The following ABCA8 variants were observed in gnomAD, a reference collection of about 807,000 sequenced individuals.
The protein encoded by ABCA8 is ATP binding cassette subfamily A member 8.
A neutral mutation model predicts 192.3 loss-of-function variants in ABCA8; 177 were observed. That is an observed-to-expected ratio of 0.92 (90% CI 0.81 to 1.04). The LOEUF is 1.04. ABCA8 is among the 50% of genes least tolerant of loss of function. ABCA8 has a pLI of 0.00. For synonymous variants in ABCA8, 642 were observed against 690.2 expected (o/e 0.93, Z 1.09); for missense variants, 1,915 against 1,904.8 (o/e 1.01, Z -0.10).
At chr17:68,906,268 A>G in intron 18 of ABCA8, 105 bp from the exon 19 acceptor site, 1 of 806,808 alleles carries the variant, frequency 1.2e-6, no homozygotes, top group Non-Finnish European at 1.8e-6. Context: ...TACTTGTGAT[A>G]TGTCAAAAAC....
At chr17:68,883,948 CTAA>C (rs1234101871) in intron 28 of ABCA8, 66 bp from the exon 29 acceptor site, 5 of 968,438 alleles carry the variant, frequency 5.2e-6, no homozygotes, top group East Asian at 2.7e-5. Flanking sequence ...CAAAGATATA[CTAA>C]TAATAACCGA....
Position 68,904,212 on chromosome 17 carries a change from G to T in ABCA8, c.2399-713C>A, listed in dbSNP as rs183981331. ...CAGGAGAATGGCGTGAACCCGGGAG[G>T]CAGAGCTTGCAGTGAGCCGAGATCG... is the stretch of plus-strand genomic sequence containing the variant. On this transcript the variant is annotated intron_variant, in intron 19 of 39. Transcript: ENST00000586539. Among the ~76,000 whole-genome samples the T allele has an allele frequency of 2.9e-3, 446 of 151,620 alleles. 2 individuals carry two copies. The highest frequency in any genetic ancestry group is 5.4e-3 in the Admixed American group (83 of 15,246).
intron 5 of ABCA8, among the ~76,000 whole-genome samples, chr17:68,936,724 TATAA>T (rs1428159891): frequency 6.6e-6 from 1 of 152,110 alleles, no homozygotes; most frequent in African/African-American, 2.4e-5. Context: ...CATTTACATA[TATAA>T]ATATATATCT....
At chr17:68,901,808 CA>C (rs35596717) in intron 21 of ABCA8, among the ~76,000 whole-genome samples, 48,605 of 104,670 alleles carry the variant, frequency 0.46, 7,852 homozygotes, top group East Asian at 0.57. Flanking sequence ...GATTCCATCT[CA>C]AAAAAAAAAA....
Position 68,907,813 on chromosome 17 carries a change from A to G in ABCA8, c.2205T>C (p.Asp735=). The change falls in exon 18 of 40, where the codon GAT becomes GAC. Residue 735 remains aspartate, a synonymous_variant. Transcript: ENST00000586539. ...ITSLVKQHIP[D]AKLSAKSEGK... ...CTTCGCTTTTGGCTGATAATTTGGC[A>G]TCAGGGATGTGCTGTTTAACAAGTG... The G allele has an allele frequency of 6.2e-7, 1 of 1,610,352 alleles. No individual in the cohort carries two copies. Among genetic ancestry groups the G allele is most frequent in the Non-Finnish European group, 8.5e-7 (1 of 1,178,350 alleles).
chr17:68,877,545 T>C lies in ABCA8; in HGVS notation c.4173A>G (p.Lys1391=), dbSNP rs146030957. The C allele has an allele frequency of 3.2e-5, 51 of 1,613,870 alleles. No individual in the cohort carries two copies. In the African/African-American group the frequency reaches 4.3e-4, roughly 14 times the overall value. The change falls in exon 33 of 40, where the codon AAA becomes AAG. Residue 1391 remains lysine (K), a synonymous_variant. Coordinates refer to ENST00000586539, the MANE Select transcript of ABCA8 (RefSeq NM_001288985.2). ...EVYAAVKGLR[K]GDAEVAITRL... is the part of the protein sequence containing the mutation. ...GTGTGATGGCAACCTCAGCATCCCC[T>C]TTCCTCAGCCCTTTCACGGCGGCGT...
chr17:68,953,482 G>T, intron 1 of ABCA8, among the ~76,000 whole-genome samples: 1 of 152,142 alleles, frequency 6.6e-6, no homozygotes, highest in East Asian at 1.9e-4. Flanking sequence ...GGGGTCAGTT[G>T]CAACAGAAGG....
Position 68,940,955 on chromosome 17 carries a change from A to T in ABCA8, c.104T>A (p.Leu35Gln), listed in dbSNP as rs368657933. 15 of 1,600,408 alleles carry T rather than the reference A, an allele frequency of 9.4e-6. No homozygotes were observed. Among genetic ancestry groups the T allele is most frequent in the Non-Finnish European group, 1.3e-5 (15 of 1,168,144 alleles). The change falls in exon 4 of 40, where the codon CTG becomes CAG. Residue 35 changes from leucine to glutamine, a missense_variant. By Grantham distance (113) the Leu-to-Gln change is moderately radical (BLOSUM62 -2). Coordinates refer to ENST00000586539, the MANE Select transcript of ABCA8 (RefSeq NM_001288985.2). Reference sequence around the variant, plus strand: ...ACAAAGTAGTAGGAGCAATGAATTCAGCCATTCCTATATAATACAGGAAAA... The same window carrying T: ...ACAAAGTAGTAGGAGCAATGAATTCTGCCATTCCTATATAATACAGGAAAA... ...RMKRESLMEW[L>Q]NSLLLLLCLY...
intron 24 of ABCA8, 30 bp from the exon 25 acceptor site, chr17:68,887,536 T>C (rs773762392): frequency 1.3e-6 from 2 of 1,561,346 alleles, no homozygotes; most frequent in Non-Finnish European, 1.7e-6. Context: ...GATACAAAGT[T>C]TGTGGCTTAA....
chr17:68,949,086 G>C (rs953517146), intron 2 of ABCA8, among the ~76,000 whole-genome samples: 1 of 152,106 alleles, frequency 6.6e-6, no homozygotes, highest in Admixed American at 6.5e-5. Context: ...TCTCTGTCCT[G>C]TTTCATTGGT....
chr17:68,880,461 C>A (rs531902082), intron 32 of ABCA8, among the ~76,000 whole-genome samples: 2 of 152,172 alleles, frequency 1.3e-5, no homozygotes, highest in African/African-American at 2.4e-5. Context: ...ACATGCCCCC[C>A]ACTTGCCATG....
At chr17:68,905,748 A>C (rs1489793940) in intron 19 of ABCA8, among the ~76,000 whole-genome samples, 9 of 152,188 alleles carry the variant, frequency 5.9e-5, no homozygotes, top group African/African-American at 1.4e-4. Context: ...TGGGGTTCTT[A>C]AGTGTTTTAG....
chr17:68,880,510 CGGGGATCCCAGACTTA>C (rs2066309929), intron 32 of ABCA8, among the ~76,000 whole-genome samples: 1 of 152,150 alleles, frequency 6.6e-6, no homozygotes, highest in African/African-American at 2.4e-5. Flanking sequence ...TGCAGCCCTT[CGGGGATCCCAGACTTA>C]GGGGATCCCC....
At chr17:68,908,875 T>C (rs902724289) in intron 17 of ABCA8, among the ~76,000 whole-genome samples, 13 of 152,348 alleles carry the variant, frequency 8.5e-5, no homozygotes, top group African/African-American at 3.1e-4. Context: ...CCTCTAGGGT[T>C]ATTCGAACAA....
At chr17:68,949,142 T>C (rs1306752543) in intron 2 of ABCA8, among the ~76,000 whole-genome samples, 170 bp downstream of exon 2, 1 of 152,176 alleles carries the variant, frequency 6.6e-6, no homozygotes, top group Admixed American at 6.5e-5. Flanking sequence ...TTGGTTACTG[T>C]AGCCTCCTAG....
chr17:68,877,465 C>T, intron 33 of ABCA8, 54 bp downstream of exon 33: 4 of 1,500,060 alleles, frequency 2.7e-6, no homozygotes, highest in Non-Finnish European at 3.6e-6. Flanking sequence ...TCATCACTCT[C>T]AACCTCCTCC....
Position 68,929,561 on chromosome 17 carries a change from C to A in ABCA8, c.939G>T (p.Leu313Phe). The change falls in exon 8 of 40, where the codon TTG becomes TTT. Residue 313 changes from leucine to phenylalanine, a missense_variant and splice_region_variant. By Grantham distance (22) the Leu-to-Phe change is conservative. Transcript: ENST00000586539. ...AAAGATATTTAATTCACTAACTCAC[C>A]AAAGATAATCCATACAGGAGAAAGA... The part of the protein sequence containing the change: ...FSLFLLYGLS[L>F]VALAFLMSIL... 1 of 1,609,290 alleles carries A rather than the reference C, an allele frequency of 6.2e-7. No homozygotes were observed. Among genetic ancestry groups the A allele is most frequent in the Non-Finnish European group, 8.5e-7 (1 of 1,178,362 alleles).
Position 68,906,037 on chromosome 17 carries a change from T to G in ABCA8, c.2398+7A>C. 2 of 1,578,616 alleles carry G rather than the reference T, an allele frequency of 1.3e-6. No homozygotes were observed. Among genetic ancestry groups the G allele is most frequent in the Non-Finnish European group, 1.7e-6 (2 of 1,164,030 alleles). On this transcript the variant is annotated splice_region_variant and intron_variant, in intron 19 of 39. Coordinates refer to ENST00000586539, the MANE Select transcript of ABCA8 (RefSeq NM_001288985.2). ...TTTACATAATAATTTTCATGCATTT[T>G]ATTTACCCGATTCATTAATTGTAGA...
At chr17:68,931,278 ACGCAGCCTCAGCCTG>A (rs1366935297) in intron 7 of ABCA8, among the ~76,000 whole-genome samples, 1 of 152,230 alleles carries the variant, frequency 6.6e-6, no homozygotes, top group African/African-American at 2.4e-5. Context: ...GCACAGTAAG[ACGCAGCCTCAGCCTG>A]GCAAACATTA....
Sources: allele counts gnomAD v4.1 joint callset (sites outside exome capture counted in the v4.1 genomes callset), GRCh38; gene constraint gnomAD v4.1.1; transcripts MANE v1.5; gene names NCBI Gene and HGNC (gene_info 2026-07-23, HGNC 2026-07-21).